DCHS2: variants seen among roughly 807,000 people sequenced by gnomAD.
The protein encoded by DCHS2 is dachsous cadherin-related 2.
A neutral mutation model predicts 182.4 loss-of-function variants in DCHS2; 142 were observed. The ratio of observed to expected loss-of-function variants is 0.78; its 90% CI spans 0.68 to 0.89. The LOEUF (loss-of-function observed/expected upper bound fraction) is 0.89. Among genes scored for constraint, DCHS2 ranks in the 40% least tolerant of loss-of-function variants. DCHS2 has a pLI of 0.00. For synonymous variants in DCHS2, 1,740 were observed against 1,663.3 expected, an observed-to-expected ratio of 1.05 and a Z score of -1.12; for missense variants, 4,319 against 4,198.6, an observed-to-expected ratio of 1.03 and a Z score of -0.79.
At chr4:154,351,755 A>G (rs1729625062) in intron 3 of DCHS2, among the ~76,000 whole-genome samples, 1 of 152,106 alleles carries the variant, frequency 6.6e-6, no homozygotes, top group South Asian at 2.1e-4. Flanking sequence ...CACAGTTCAT[A>G]ATAGGGTTAG....
At chr4:154,240,441 T>G in intron 18 of DCHS2, 96 bp downstream of exon 18, 1 of 1,425,964 alleles carries the variant, frequency 7.0e-7, no homozygotes, top group Non-Finnish European at 9.4e-7. Flanking sequence ...GTGAATGCTG[T>G]CTATCTGAAT....
intron 11 of DCHS2, 60 bp downstream of exon 11, chr4:154,305,037 G>T: frequency 6.6e-7 from 1 of 1,510,508 alleles, no homozygotes; most frequent in Middle Eastern, 2.0e-4. Flanking sequence ...CCACTTAACA[G>T]GTTTTTTTTA....
chr4:154,451,732 GTTGT>G (rs141175840), intron 1 of DCHS2, among the ~76,000 whole-genome samples: 8,474 of 152,234 alleles, frequency 0.056, 365 homozygotes, highest in Non-Finnish European at 0.08. Context: ...ACTGCTTCTG[GTTGT>G]TTATTTTGCT....
At chr4:154,354,666 C>T (rs1281519117) in intron 3 of DCHS2, 3 of 152,208 alleles carry the variant, frequency 2.0e-5, no homozygotes, top group Admixed American at 2.0e-4. Flanking sequence ...CCATATCACA[C>T]TGATGCTAAA....
intron 10 of DCHS2, among the ~76,000 whole-genome samples, chr4:154,315,363 A>T (rs1337956761): frequency 6.6e-6 from 1 of 152,176 alleles, no homozygotes; most frequent in African/African-American, 2.4e-5. Flanking sequence ...TGCCTCTTCC[A>T]CTATGCTATA....
Position 154,486,298 on chromosome 4 carries a change from A to T in DCHS2, c.2052+3006T>A, listed in dbSNP as rs530099324. The T allele has an allele frequency of 5.8e-6, 5 of 866,816 alleles. No homozygotes were observed. The South Asian group carries it at 8.5e-5, about 15-fold the overall frequency. 53.7% of individuals were successfully genotyped at this position (866,816 alleles called of 1,614,324 possible). A position where few individuals can be genotyped will look rare whatever the true frequency, so the allele number is the denominator to read the frequency against. ...AGTTCAGCCAACACTCGGAGAGGGG[A>T]GGGTGGCCAGCACCATAGTGCCAGC... is the stretch of plus-strand genomic sequence containing the variant. On this transcript the variant is annotated intron_variant, in intron 1 of 19. Coordinates refer to ENST00000357232, the MANE Select transcript of DCHS2 (RefSeq NM_001358235.2).
intron 1 of DCHS2, among the ~76,000 whole-genome samples, chr4:154,465,988 T>C (rs1735224623): frequency 6.6e-6 from 1 of 152,208 alleles, no homozygotes. Flanking sequence ...TTAAAAGCTG[T>C]ATATTTTTTG....
At position 154,414,196 on chromosome 4, in the gene DCHS2, T is replaced by TATAG. The variant is rs1553949667; in HGVS notation, c.2053-36753_2053-36752insCTAT. The stretch of plus-strand genomic sequence containing the variant: ...TAAATCAATTATATATATATATATA[T>TATAG]AGAGAGAGAGAGATATAGATATATG... On this transcript the variant is annotated intron_variant, in intron 1 of 19. Transcript: ENST00000357232. Among the ~76,000 whole-genome samples the TATAG allele has an allele frequency of 9.3e-3, 1,360 of 145,720 alleles. 9 individuals are homozygous for TATAG. The highest frequency in any genetic ancestry group is 0.011 in the Non-Finnish European group (741 of 66,118).
At chr4:154,372,159 A>G (rs996780505) in intron 2 of DCHS2, among the ~76,000 whole-genome samples, 2 of 152,208 alleles carry the variant, frequency 1.3e-5, no homozygotes, top group Admixed American at 6.5e-5. Context: ...AATCTAAGAT[A>G]TGGTCCAGGC....
chr4:154,473,134 G>C (rs552480190), intron 1 of DCHS2, among the ~76,000 whole-genome samples: 155 of 152,236 alleles, frequency 1.0e-3, no homozygotes, highest in African/African-American at 3.5e-3. Context: ...CATCTCTTCA[G>C]CTGCTGCTCC....
chr4:154,348,459 A>C lies in DCHS2; in HGVS notation c.2477-13355T>G, dbSNP rs1024894414. 3.2e-4 allele frequency among the ~76,000 whole-genome samples: 48 copies of C among 152,046 alleles called. 1 individual carries two copies. The highest frequency in any genetic ancestry group is 1.0e-3 in the African/African-American group (43 of 41,300). ...TTAGAAAGGTAATATAGTAAGTTGG[A>C]TCATGTCTCACCAAATTTATGTCCA... On this transcript the variant is annotated intron_variant, in intron 3 of 19. Coordinates refer to ENST00000357232, the MANE Select transcript of DCHS2 (RefSeq NM_001358235.2).
chr4:154,394,037 A>G (rs1731824651), intron 1 of DCHS2, among the ~76,000 whole-genome samples: 1 of 152,212 alleles, frequency 6.6e-6, no homozygotes. Context: ...CTAAAATTTT[A>G]CACATCCATT....
At chr4:154,378,849 C>T (rs1731045142) in intron 1 of DCHS2, among the ~76,000 whole-genome samples, 1 of 152,080 alleles carries the variant, frequency 6.6e-6, no homozygotes, top group Admixed American at 6.6e-5. Flanking sequence ...AAATCAGACC[C>T]CAAATCTCCT....
Position 154,336,352 on chromosome 4 carries a change from A to G in DCHS2, c.2477-1248T>C, listed in dbSNP as rs143643367. 2.9e-3 allele frequency among the ~76,000 whole-genome samples: 437 copies of G among 152,364 alleles called. 3 individuals carry two copies. The highest frequency in any genetic ancestry group is 9.9e-3 in the African/African-American group (411 of 41,590). On this transcript the variant is annotated intron_variant, in intron 3 of 19. Coordinates refer to ENST00000357232, the MANE Select transcript of DCHS2 (RefSeq NM_001358235.2). ...CCTGAAAACGGATCTAATGCAATCA[A>G]CTTAAGAAATGAACCTGTTAGTTTT... is the stretch of plus-strand genomic sequence containing the variant.
chr4:154,299,829 T>C (rs1735126475), intron 12 of DCHS2, among the ~76,000 whole-genome samples: 1 of 152,142 alleles, frequency 6.6e-6, no homozygotes, highest in African/African-American at 2.4e-5. Context: ...GTTCACAGTC[T>C]AAAAGGAAAG....
chr4:154,368,697 G>A (rs1730508946), intron 2 of DCHS2, among the ~76,000 whole-genome samples: 7 of 152,058 alleles, frequency 4.6e-5, no homozygotes, highest in Admixed American at 4.6e-4. Context: ...TGTATTTTTG[G>A]TAGAGATGGT....
chr4:154,340,877 CTG>C (rs766843911), intron 3 of DCHS2, among the ~76,000 whole-genome samples: 1 of 152,112 alleles, frequency 6.6e-6, no homozygotes, highest in Non-Finnish European at 1.5e-5. Context: ...CAAATAAGAG[CTG>C]TCAGTTATAG....
At position 154,435,325 on chromosome 4, in the gene DCHS2, G is replaced by T. The variant is rs561850117; in HGVS notation, c.2052+53979C>A. ...AATTACAGAAATTATGGCTGGGCGC[G>T]GTGGCTCATGCCTGTAATCCCAGCA... On this transcript the variant is annotated intron_variant, in intron 1 of 19. Coordinates refer to ENST00000357232, the MANE Select transcript of DCHS2 (RefSeq NM_001358235.2). 2.0e-5 allele frequency among the ~76,000 whole-genome samples: 3 copies of T among 152,176 alleles called. No homozygotes were observed. The South Asian group carries it at 6.2e-4, about 32-fold the overall frequency.
intron 1 of DCHS2, among the ~76,000 whole-genome samples, chr4:154,414,487 CTTT>C (rs375818839): frequency 0.024 from 1,767 of 73,720 alleles, 26 homozygotes; most frequent in East Asian, 0.23. Context: ...ATACAGCTTT[CTTT>C]TTTTTTTTTT....
Sources: gnomAD v4.1 joint callset for allele counts (sites outside exome capture counted in the v4.1 genomes callset) on GRCh38, gnomAD v4.1.1 for gene constraint, MANE v1.5 for transcripts, NCBI Gene and HGNC (gene_info 2026-07-23, HGNC 2026-07-21) for gene names.